The following MAP2K5 variants were observed in gnomAD, a reference collection of about 807,000 sequenced individuals.
The protein encoded by MAP2K5 is mitogen-activated protein kinase kinase 5.
MAP2K5 carries 49 observed loss-of-function variants against 83.1 expected under a neutral mutation model. That is an observed-to-expected ratio of 0.59 (90% CI 0.47 to 0.75). MAP2K5 has a LOEUF of 0.75. MAP2K5 is among the 30% of genes least tolerant of loss of function. The pLI is 0.00. For synonymous variants in MAP2K5, 202 were observed against 191.8 expected (o/e 1.05, Z -0.44); for missense variants, 457 against 557.5 (o/e 0.82, Z 1.82).
chr15:67,737,983 C>T (rs2089381196), intron 17 of MAP2K5, among the ~76,000 whole-genome samples: 1 of 148,612 alleles, frequency 6.7e-6, no homozygotes, highest in African/African-American at 2.5e-5. Flanking sequence ...TCCCGAGTAG[C>T]TGGGATTATA....
At position 67,770,448 on chromosome 15, in the gene MAP2K5, G is replaced by C. The variant is rs2090120495; in HGVS notation, c.1196+785G>C. On this transcript the variant is annotated intron_variant, in intron 20 of 21. Transcript: ENST00000178640. This position sits in a 1 kb window ranked among gnomAD's most constrained non-coding sequence, Gnocchi z 5.0. ...GCCCTCTCCCTCACTCCAGCACAGA[G>C]AATTACCTAGGAGAGAGGAGGAATT... Among the ~76,000 whole-genome samples, 1 of 152,154 alleles carries C rather than the reference G, an allele frequency of 6.6e-6. No homozygotes were observed. The highest frequency in any genetic ancestry group is 1.5e-5 in the Non-Finnish European group (1 of 68,022).
rs1026163702 is a variant in MAP2K5, at chr15:67,760,677, G to A, written c.1135-8925G>A. On this transcript the variant is annotated intron_variant, in intron 19 of 21. Coordinates refer to ENST00000178640, the MANE Select transcript of MAP2K5 (RefSeq NM_145160.3). The surrounding 1 kb of genome is among the most constrained non-coding windows in gnomAD (Gnocchi z 4.1). The stretch of plus-strand genomic sequence containing the variant: ...TTCCTTTGAATTGTCCATGAAGCCT[G>A]ATGTATTATTAATGAATTAATTTCT... Among the ~76,000 whole-genome samples, 3 of 152,270 alleles carry A rather than the reference G, an allele frequency of 2.0e-5. No individual in the cohort carries two copies. The highest frequency in any genetic ancestry group is 4.8e-5 in the African/African-American group (2 of 41,546).
At chr15:67,578,857 C>A (rs1404285095) in intron 3 of MAP2K5, among the ~76,000 whole-genome samples, 1 of 152,096 alleles carries the variant, frequency 6.6e-6, no homozygotes, top group Non-Finnish European at 1.5e-5. Context: ...CCTGTTCTGA[C>A]CCTTTACATT....
intron 7 of MAP2K5, 51 bp from the exon 8 acceptor site, chr15:67,600,634 T>C (rs1207578745): frequency 7.5e-6 from 11 of 1,459,060 alleles, no homozygotes; most frequent in Admixed American, 1.8e-5. Context: ...TTCCTTGACA[T>C]TTCCATCCAC....
At chr15:67,618,701 C>T (rs1819883032) in intron 8 of MAP2K5, among the ~76,000 whole-genome samples, 1 of 152,198 alleles carries the variant, frequency 6.6e-6, no homozygotes, top group African/African-American at 2.4e-5. Flanking sequence ...CCTTCTTTTT[C>T]TCTCAGATTA....
rs545374914 is a variant in MAP2K5 at position 67,781,750 on chromosome 15, CTTAA to C, written c.1242+9001_1242+9004del. Among the ~76,000 whole-genome samples the C allele has an allele frequency of 2.0e-3, 312 of 152,286 alleles. 1 individual carries two copies. Among genetic ancestry groups the C allele is most frequent in the African/African-American group, 7.3e-3 (303 of 41,550 alleles). The stretch of plus-strand genomic sequence containing the variant: ...ATTTTCAAATGTAACCCGATTGACT[CTTAA>C]TTGTTAGCCTGTGTGTGTCTTAGCT... On this transcript the variant is annotated intron_variant, in intron 21 of 21. Coordinates refer to ENST00000178640, the MANE Select transcript of MAP2K5 (RefSeq NM_145160.3). This position sits in a 1 kb window ranked among gnomAD's most constrained non-coding sequence, Gnocchi z 4.0.
chr15:67,749,027 A>T lies in MAP2K5; in HGVS notation c.1134+426A>T, dbSNP rs2089665725. ...CTGCCTTGAGTTATTTACCCAAAGC[A>T]TATCAGAGTGATAAAAGGGCTCAAA... On this transcript the variant is annotated intron_variant, in intron 19 of 21. Coordinates refer to ENST00000178640, the MANE Select transcript of MAP2K5 (RefSeq NM_145160.3). This position sits in a 1 kb window ranked among gnomAD's most constrained non-coding sequence, Gnocchi z 4.6. Among the ~76,000 whole-genome samples the T allele has an allele frequency of 2.0e-5, 3 of 152,260 alleles. No homozygotes were observed. The South Asian group carries it at 6.2e-4, about 31-fold the overall frequency.
chr15:67,772,048 T>G (rs1430604059), intron 20 of MAP2K5, among the ~76,000 whole-genome samples: 1 of 152,220 alleles, frequency 6.6e-6, no homozygotes, highest in African/African-American at 2.4e-5. Context: ...CAAGAAATAT[T>G]TTGCATGAAG....
At chr15:67,673,742 C>G (rs1211295528) in intron 13 of MAP2K5, among the ~76,000 whole-genome samples, 4 of 147,744 alleles carry the variant, frequency 2.7e-5, no homozygotes, top group Non-Finnish European at 4.5e-5. Flanking sequence ...TTGTAACAAT[C>G]TGTTTTTTTG....
At chr15:67,737,931 A>C (rs1699914954) in intron 17 of MAP2K5, among the ~76,000 whole-genome samples, 1 of 129,030 alleles carries the variant, frequency 7.8e-6, no homozygotes, top group Non-Finnish European at 1.5e-5. Context: ...GGCTCACTGC[A>C]ACCTCCACCT....
chr15:67,587,649 A>G lies in MAP2K5; in HGVS notation c.431+736A>G, dbSNP rs150068564. The stretch of plus-strand genomic sequence containing the variant: ...TTTGTGAGCTGAGATTTGTCTTTCT[A>G]TAGCGCCCACTCATAACGTTTTAGT... On this transcript the variant is annotated intron_variant, in intron 6 of 21. Transcript: ENST00000178640. The surrounding 1 kb of genome is among the most constrained non-coding windows in gnomAD (Gnocchi z 4.8). Among the ~76,000 whole-genome samples the G allele has an allele frequency of 8.5e-5, 13 of 152,260 alleles. 1 individual carries two copies. The East Asian group carries it at 1.9e-3, about 23-fold the overall frequency.
At chr15:67,641,688 C>T in intron 9 of MAP2K5, 3 of 835,200 alleles carry the variant, frequency 3.6e-6, no homozygotes, top group Non-Finnish European at 2.9e-6. Context: ...AACCCTTTCT[C>T]CATGGAATGC....
At chr15:67,788,953 CAGAG>C (rs1200883367) in intron 21 of MAP2K5, among the ~76,000 whole-genome samples, 1 of 135,696 alleles carries the variant, frequency 7.4e-6, no homozygotes, top group African/African-American at 2.8e-5. Flanking sequence ...GCATGGGTGA[CAGAG>C]AGAGACCCTG....
intron 11 of MAP2K5, among the ~76,000 whole-genome samples, chr15:67,654,333 T>G (rs902088259): frequency 6.6e-6 from 1 of 152,220 alleles, no homozygotes; most frequent in African/African-American, 2.4e-5. Context: ...GTCTATTTTT[T>G]CCACTAGTAT....
At position 67,758,540 on chromosome 15, in the gene MAP2K5, T is replaced by C. The variant is rs996165433; in HGVS notation, c.1134+9939T>C. On this transcript the variant is annotated intron_variant, in intron 19 of 21. Coordinates refer to ENST00000178640, the MANE Select transcript of MAP2K5 (RefSeq NM_145160.3). This position sits in a 1 kb window ranked among gnomAD's most constrained non-coding sequence, Gnocchi z 4.7. ...AGACATTTTATTTCTGTCTTCCTAG[T>C]ACTGCACCTAACATCCTATAGGCTC... 2.0e-5 allele frequency among the ~76,000 whole-genome samples: 3 copies of C among 152,224 alleles called. No individual in the cohort carries two copies. Among genetic ancestry groups the C allele is most frequent in the Admixed American group, 1.3e-4 (2 of 15,288 alleles).
intron 21 of MAP2K5, among the ~76,000 whole-genome samples, chr15:67,799,159 A>T (rs549766112): frequency 2.6e-5 from 4 of 152,208 alleles, no homozygotes; most frequent in Admixed American, 6.5e-5. Flanking sequence ...ACAGAGCGAG[A>T]CTCCGTCTCA....
chr15:67,585,626 C>T (rs2085271997), intron 4 of MAP2K5: 1 of 424,394 alleles, frequency 2.4e-6, no homozygotes, highest in South Asian at 3.1e-5. Context: ...CATTTTAGCT[C>T]AGTTAACTTG....
chr15:67,713,275 T>C (rs1313206693), intron 16 of MAP2K5, among the ~76,000 whole-genome samples: 1 of 152,206 alleles, frequency 6.6e-6, no homozygotes, highest in Admixed American at 6.5e-5. Context: ...ACCTTTTGTC[T>C]CATTGGAATG....
rs10529511 is a variant in MAP2K5, at chr15:67,774,167, A to ATG, written c.1242+1450_1242+1451dup. On this transcript the variant is annotated intron_variant, in intron 21 of 21. Coordinates refer to ENST00000178640, the MANE Select transcript of MAP2K5 (RefSeq NM_145160.3). The surrounding 1 kb of genome is among the most constrained non-coding windows in gnomAD (Gnocchi z 4.9). ...CCTTGAAAGCAAGTGATGTGTGTGTATGTGTGTGTGTGTGTGTGTGTGTGT... is the reference window on the plus strand; with the variant it reads ...CCTTGAAAGCAAGTGATGTGTGTGTATGTGTGTGTGTGTGTGTGTGTGTGTGT... Among the ~76,000 whole-genome samples, 49 of 149,566 alleles carry ATG rather than the reference A, an allele frequency of 3.3e-4. No homozygotes were observed. The highest frequency in any genetic ancestry group is 1.2e-3 in the African/African-American group (48 of 40,510).
Sources: gnomAD v4.1 joint callset for allele counts (sites outside exome capture counted in the v4.1 genomes callset) on GRCh38, gnomAD v4.1.1 for gene constraint, Gnocchi (gnomAD v3.1) non-coding constraint, MANE v1.5 for transcripts, NCBI Gene and HGNC (gene_info 2026-07-23, HGNC 2026-07-21) for gene names.